NMNAT2: variants seen among roughly 807,000 people sequenced by gnomAD.
NMNAT2 encodes nicotinamide nucleotide adenylyltransferase 2, also known as nicotinamide/nicotinic acid mononucleotide adenylyltransferase 2.
NMNAT2 carries 11 observed loss-of-function variants against 41.6 expected under a neutral mutation model. That is an observed-to-expected ratio of 0.26 (90% CI 0.17 to 0.44). NMNAT2 has a LOEUF of 0.44. Among genes scored for constraint, NMNAT2 ranks in the 20% least tolerant of loss-of-function variants. The pLI, the probability that NMNAT2 is intolerant of heterozygous loss-of-function variation, is 1.00. For synonymous variants in NMNAT2, 148 were observed against 151.2 expected (o/e 0.98, Z 0.16); for missense variants, 288 against 407.7 (o/e 0.71, Z 2.53).
At chr1:183,410,512 T>C (rs1252818633) in intron 1 of NMNAT2, among the ~76,000 whole-genome samples, 2 of 152,072 alleles carry the variant, frequency 1.3e-5, no homozygotes, top group African/African-American at 4.8e-5. Context: ...ACATCTGCCA[T>C]GTACTCCTTT....
At chr1:183,328,936 G>C (rs1302550868) in intron 1 of NMNAT2, among the ~76,000 whole-genome samples, 7 of 152,200 alleles carry the variant, frequency 4.6e-5, no homozygotes, top group Non-Finnish European at 8.8e-5. Context: ...TGGTCCTTCT[G>C]TGGGGCTGTG....
chr1:183,397,391 C>T (rs1002028629), intron 1 of NMNAT2, among the ~76,000 whole-genome samples: 1 of 152,094 alleles, frequency 6.6e-6, no homozygotes, highest in African/African-American at 2.4e-5. Context: ...TGAACAAAGC[C>T]TCCAAGCAAT....
At chr1:183,412,141 C>G (rs760453176) in intron 1 of NMNAT2, among the ~76,000 whole-genome samples, 12 of 152,204 alleles carry the variant, frequency 7.9e-5, no homozygotes, top group Non-Finnish European at 1.5e-4. Context: ...GACAGAGATA[C>G]GGAGCTCTGG....
intron 1 of NMNAT2, among the ~76,000 whole-genome samples, chr1:183,299,666 AG>A (rs1472816161): frequency 6.7e-6 from 1 of 150,360 alleles, no homozygotes; most frequent in African/African-American, 2.4e-5. Flanking sequence ...AAAAAAAAAA[AG>A]GTGTTAAAGG....
chr1:183,300,766 C>A (rs112274645), intron 1 of NMNAT2, among the ~76,000 whole-genome samples: 2,137 of 152,302 alleles, frequency 0.014, 49 homozygotes, highest in African/African-American at 0.047. Context: ...CAGGCAGTGG[C>A]AAGCAAGCTG....
chr1:183,356,754 T>G (rs1663198044), intron 1 of NMNAT2, among the ~76,000 whole-genome samples: 1 of 152,244 alleles, frequency 6.6e-6, no homozygotes, highest in South Asian at 2.1e-4. Flanking sequence ...CTGAAATTTC[T>G]TAGGCTGCCA....
At chr1:183,294,851 A>T (rs958465446) in intron 1 of NMNAT2, among the ~76,000 whole-genome samples, 1 of 152,202 alleles carries the variant, frequency 6.6e-6, no homozygotes, top group Non-Finnish European at 1.5e-5. Flanking sequence ...ACTGAGGAAA[A>T]ATCTAGCATG....
chr1:183,363,569 C>T (rs952584377), intron 1 of NMNAT2, among the ~76,000 whole-genome samples: 1 of 128,972 alleles, frequency 7.8e-6, no homozygotes, highest in Admixed American at 8.7e-5. Context: ...CCTAGAGACA[C>T]ACACACACAT....
intron 1 of NMNAT2, among the ~76,000 whole-genome samples, chr1:183,416,096 A>G (rs574751014): frequency 1.3e-5 from 2 of 152,364 alleles, no homozygotes; most frequent in South Asian, 2.1e-4. Flanking sequence ...CTATTTCCAC[A>G]TAGTCTATCC....
chr1:183,355,410 C>A (rs548280885), intron 1 of NMNAT2, among the ~76,000 whole-genome samples: 2 of 152,274 alleles, frequency 1.3e-5, no homozygotes, highest in Admixed American at 1.3e-4. Context: ...CACTCCAGGC[C>A]CACTGAATCA....
chr1:183,306,678 A>G (rs1661999295), intron 1 of NMNAT2, among the ~76,000 whole-genome samples: 1 of 152,206 alleles, frequency 6.6e-6, no homozygotes, highest in Non-Finnish European at 1.5e-5. Context: ...AAGAAACCTG[A>G]AAGTAAAGAA....
intron 1 of NMNAT2, among the ~76,000 whole-genome samples, chr1:183,346,140 G>A (rs1169481793): frequency 1.3e-5 from 2 of 151,876 alleles, no homozygotes; most frequent in African/African-American, 2.4e-5. Flanking sequence ...GGTTCTCCTC[G>A]CCTTTCAGCT....
intron 1 of NMNAT2, among the ~76,000 whole-genome samples, chr1:183,412,485 A>G (rs1230388034): frequency 6.6e-6 from 1 of 152,216 alleles, no homozygotes; most frequent in Non-Finnish European, 1.5e-5. Context: ...GGCCTCCCAA[A>G]GTGCTGGGAT....
At chr1:183,287,931 T>G (rs1477800749) in intron 4 of NMNAT2, among the ~76,000 whole-genome samples, 1 of 152,144 alleles carries the variant, frequency 6.6e-6, no homozygotes, top group Non-Finnish European at 1.5e-5. Flanking sequence ...CCTGTCACCT[T>G]TGTAAGACTC....
chr1:183,282,806 G>T (rs1259314990), intron 7 of NMNAT2: 1 of 152,222 alleles, frequency 6.6e-6, no homozygotes, highest in East Asian at 1.9e-4. Context: ...GGCCTTCAGA[G>T]AGTGACTTGC....
chr1:183,338,361 G>A (rs1291937251), intron 1 of NMNAT2, among the ~76,000 whole-genome samples: 1 of 98,876 alleles, frequency 1.0e-5, no homozygotes, highest in African/African-American at 3.8e-5. Context: ...CTTTGCACAT[G>A]AAAAAATTAG....
intron 10 of NMNAT2, among the ~76,000 whole-genome samples, chr1:183,255,248 G>T (rs889723498): frequency 6.6e-6 from 1 of 152,074 alleles, no homozygotes; most frequent in Non-Finnish European, 1.5e-5. Flanking sequence ...TTATTTCTGG[G>T]CTCACTATTC....
At chr1:183,371,687 C>T (rs1289569686) in intron 1 of NMNAT2, among the ~76,000 whole-genome samples, 1 of 152,202 alleles carries the variant, frequency 6.6e-6, no homozygotes, top group Non-Finnish European at 1.5e-5. Context: ...ATTCTGAGCT[C>T]TGCTGAGTCT....
At chr1:183,268,346 T>C (rs1246120647) in intron 8 of NMNAT2, among the ~76,000 whole-genome samples, 15 of 152,166 alleles carry the variant, frequency 9.9e-5, no homozygotes, top group Non-Finnish European at 2.9e-5. Context: ...TCCTAGACAC[T>C]AGGCATGCAG....
Sources: gnomAD v4.1 joint callset for allele counts (sites outside exome capture counted in the v4.1 genomes callset) on GRCh38, gnomAD v4.1.1 for gene constraint, MANE v1.5 for transcripts, NCBI Gene and HGNC (gene_info 2026-07-23, HGNC 2026-07-21) for gene names.